DDX10: variants seen among roughly 807,000 people sequenced by gnomAD.
DDX10 encodes the protein DEAD-box helicase 10.
Under a neutral mutation model 104.3 loss-of-function variants are expected in DDX10, and 74 were observed. The ratio of observed to expected loss-of-function variants is 0.71; its 90% CI spans 0.59 to 0.86. The LOEUF is 0.86. DDX10 is among the 40% of genes least tolerant of loss of function. The pLI, the probability that DDX10 is intolerant of heterozygous loss-of-function variation, is 0.00. For missense variants in DDX10, 952 were observed against 1,040.0 expected, an observed-to-expected ratio of 0.92 and a Z score of 1.16; for synonymous variants, 351 against 353.4, an observed-to-expected ratio of 0.99 and a Z score of 0.08.
intron 3 of DDX10, among the ~76,000 whole-genome samples, chr11:108,676,595 G>A (rs1290016366): frequency 6.6e-6 from 1 of 152,016 alleles, no homozygotes; most frequent in Non-Finnish European, 1.5e-5. Flanking sequence ...TACAGATGTG[G>A]GCTACCACGC....
intron 16 of DDX10, among the ~76,000 whole-genome samples, chr11:108,882,924 A>G (rs919693231): frequency 2.6e-5 from 4 of 152,218 alleles, no homozygotes; most frequent in African/African-American, 4.8e-5. Flanking sequence ...TGTTGCGTCC[A>G]TATCCAAAGT....
chr11:108,694,778 G>A (rs923654059), intron 9 of DDX10, among the ~76,000 whole-genome samples: 2 of 152,190 alleles, frequency 1.3e-5, no homozygotes, highest in Non-Finnish European at 2.9e-5. Context: ...CTCCTTGGGA[G>A]GCTGAGGCAG....
intron 16 of DDX10, among the ~76,000 whole-genome samples, chr11:108,900,934 C>T (rs1339500630): frequency 6.6e-6 from 1 of 152,152 alleles, no homozygotes; most frequent in Non-Finnish European, 1.5e-5. Context: ...GCTGTACCAT[C>T]ACCTAATTGC....
chr11:108,680,745 G>A (rs926450340), intron 6 of DDX10, among the ~76,000 whole-genome samples: 4 of 152,120 alleles, frequency 2.6e-5, no homozygotes, highest in Non-Finnish European at 4.4e-5. Context: ...AAAATGAATT[G>A]TGTTATCTGG....
chr11:108,675,972 G>A (rs569899936), intron 3 of DDX10, among the ~76,000 whole-genome samples: 2 of 152,322 alleles, frequency 1.3e-5, no homozygotes, highest in East Asian at 3.9e-4. Context: ...ATTGTGCCTT[G>A]ACAAGTCATT....
chr11:108,799,678 A>G (rs1035225936), intron 13 of DDX10, among the ~76,000 whole-genome samples: 4 of 151,996 alleles, frequency 2.6e-5, no homozygotes, highest in African/African-American at 9.7e-5. Context: ...CCTTCTTTTG[A>G]CCTTGCGCAG....
chr11:108,909,211 G>A (rs1740791909), intron 16 of DDX10, among the ~76,000 whole-genome samples: 2 of 152,236 alleles, frequency 1.3e-5, no homozygotes, highest in Non-Finnish European at 2.9e-5. Flanking sequence ...AGGGAAGGGT[G>A]GCTGGAGATT....
In DDX10 at chr11:108,904,680, CTCT is replaced by C. The variant is rs1392960181; in HGVS notation, c.2305-13192_2305-13190del. ...ATGCACATGACTGAAAACCCATCTCCTCTGTTTATTTCTCTGAAGATAGATCTC... is the reference window on the plus strand; with the variant it reads ...ATGCACATGACTGAAAACCCATCTCCGTTTATTTCTCTGAAGATAGATCTC... On this transcript the variant is annotated intron_variant, in intron 16 of 17. Coordinates refer to ENST00000322536, the MANE Select transcript of DDX10 (RefSeq NM_004398.4). 5.3e-5 allele frequency among the ~76,000 whole-genome samples: 8 copies of C among 151,464 alleles called. 1 individual carries two copies. The highest frequency in any genetic ancestry group is 1.9e-4 in the African/African-American group (8 of 41,306).
intron 16 of DDX10, among the ~76,000 whole-genome samples, chr11:108,900,054 G>C (rs1426452522): frequency 1.3e-5 from 2 of 152,058 alleles, no homozygotes; most frequent in East Asian, 1.9e-4. Flanking sequence ...GGAGGTTGCA[G>C]TGAGCTTAAA....
At chr11:108,899,143 T>C (rs1044563588) in intron 16 of DDX10, among the ~76,000 whole-genome samples, 1 of 152,206 alleles carries the variant, frequency 6.6e-6, no homozygotes, top group Non-Finnish European at 1.5e-5. Flanking sequence ...TTCAACTGCC[T>C]GTAGTTTCTG....
At chr11:108,702,945 C>T (rs956597115) in intron 9 of DDX10, among the ~76,000 whole-genome samples, 4 of 152,106 alleles carry the variant, frequency 2.6e-5, no homozygotes, top group African/African-American at 9.7e-5. Flanking sequence ...TATATTAATA[C>T]AAAAAATGTT....
At chr11:108,686,181 G>A (rs777593868) in intron 6 of DDX10, among the ~76,000 whole-genome samples, 8 of 152,172 alleles carry the variant, frequency 5.3e-5, no homozygotes, top group Non-Finnish European at 1.0e-4. Flanking sequence ...TGCAGCCTCT[G>A]CCATTATCAA....
chr11:108,856,493 A>C (rs184113811), intron 16 of DDX10, among the ~76,000 whole-genome samples: 90 of 151,980 alleles, frequency 5.9e-4, no homozygotes, highest in African/African-American at 1.6e-3. Flanking sequence ...CAAAACAAAA[A>C]AAAAACCTTA....
At chr11:108,697,436 T>A (rs1484158507) in intron 9 of DDX10, among the ~76,000 whole-genome samples, 5 of 152,188 alleles carry the variant, frequency 3.3e-5, no homozygotes, top group Non-Finnish European at 4.4e-5. Context: ...AATATATCGA[T>A]ATAGGAAAAC....
intron 1 of DDX10, among the ~76,000 whole-genome samples, chr11:108,672,910 T>C (rs1331264405): frequency 6.6e-6 from 1 of 152,230 alleles, no homozygotes; most frequent in Admixed American, 6.5e-5. Context: ...TGTGTTGAAA[T>C]AATACTCCTC....
At chr11:108,734,148 A>G (rs1412754330) in intron 13 of DDX10, among the ~76,000 whole-genome samples, 1 of 151,864 alleles carries the variant, frequency 6.6e-6, no homozygotes, top group African/African-American at 2.4e-5. Context: ...ATGTCTCTTA[A>G]TTTTTATCTC....
At chr11:108,691,724 G>A in intron 7 of DDX10, 152 bp from the exon 8 acceptor site, 2 of 490,296 alleles carry the variant, frequency 4.1e-6, no homozygotes, top group Non-Finnish European at 6.8e-6. Flanking sequence ...AATTGCTTGT[G>A]ATTAAATAAG....
chr11:108,923,615 C>A (rs1163863610), intron 17 of DDX10, among the ~76,000 whole-genome samples: 2 of 152,144 alleles, frequency 1.3e-5, no homozygotes, highest in African/African-American at 4.8e-5. Context: ...ACATATCTTT[C>A]CTGCTTTCAC....
intron 17 of DDX10, chr11:108,929,462 CTG>C (rs1207174886): frequency 6.6e-6 from 1 of 152,226 alleles, no homozygotes; most frequent in Non-Finnish European, 1.5e-5. Context: ...ATCATCATGA[CTG>C]TACAATTCTG....
Sources: allele counts gnomAD v4.1 joint callset (sites outside exome capture counted in the v4.1 genomes callset), GRCh38; gene constraint gnomAD v4.1.1; transcripts MANE v1.5; gene names NCBI Gene and HGNC (gene_info 2026-07-23, HGNC 2026-07-21).